Variants in ASPH observed in about 807,000 individuals in gnomAD.
ASPH encodes the protein aspartyl/asparaginyl beta-hydroxylase.
In ASPH, 100 loss-of-function variants were observed where a neutral mutation model predicts 118.4. The ratio of observed to expected loss-of-function variants is 0.84; its 90% confidence interval spans 0.72 to 1.00. ASPH has a LOEUF of 1.00. Ranked by LOEUF, ASPH falls within the 50% of genes least tolerant of loss-of-function variation. ASPH has a pLI of 0.00. For missense variants in ASPH, 920 were observed against 919.5 expected, an observed-to-expected ratio of 1.00 and a Z score of -0.01; for synonymous variants, 315 against 325.6, an observed-to-expected ratio of 0.97 and a Z score of 0.35.
chr8:61,534,780 A>G (rs1818875026), intron 21 of ASPH, among the ~76,000 whole-genome samples: 1 of 152,268 alleles, frequency 6.6e-6, no homozygotes, highest in Non-Finnish European at 1.5e-5. Context: ...CAGTTAGTAC[A>G]CATTTCAGTA....
At chr8:61,684,012 T>G (rs763837195) in intron 2 of ASPH, 27 bp downstream of exon 2, 3 of 1,609,314 alleles carry the variant, frequency 1.9e-6, no homozygotes, top group African/African-American at 2.7e-5. Context: ...CTCTTACAAA[T>G]TCACATAAGG....
chr8:61,570,153 A>AT (rs1833033564), intron 16 of ASPH, among the ~76,000 whole-genome samples: 1 of 152,188 alleles, frequency 6.6e-6, no homozygotes, highest in Non-Finnish European at 1.5e-5. Flanking sequence ...GCCTATATTA[A>AT]ATGTGCTCAG....
rs184808489 is a variant in ASPH, at chr8:61,627,669, G to T, written c.934+6014C>A. Among the ~76,000 whole-genome samples, 22 of 152,238 alleles carry T rather than the reference G, an allele frequency of 1.4e-4. No individual in the cohort carries two copies. The East Asian group carries it at 4.0e-3, about 28-fold the overall frequency. ...GGAAGATACATTTCAGAAGTACCCT[G>T]GGAAAATGGAAAGTTGTTCAAAGTA... is the stretch of plus-strand genomic sequence containing the variant. On this transcript the variant is annotated intron_variant, in intron 13 of 24. Transcript: ENST00000379454.
At chr8:61,650,699 T>A (rs555775741) in intron 5 of ASPH, among the ~76,000 whole-genome samples, 2 of 152,256 alleles carry the variant, frequency 1.3e-5, no homozygotes, top group East Asian at 3.9e-4. Context: ...AAAATCGAGG[T>A]GGAGCACAAC....
intron 20 of ASPH, among the ~76,000 whole-genome samples, chr8:61,549,059 ATATT>A (rs1824941413): frequency 6.6e-6 from 1 of 152,168 alleles, no homozygotes; most frequent in Non-Finnish European, 1.5e-5. Flanking sequence ...GGTACACTTA[ATATT>A]ATCCCCTCCA....
chr8:61,712,895 T>C (rs899526241), intron 1 of ASPH, among the ~76,000 whole-genome samples: 74 of 152,342 alleles, frequency 4.9e-4, no homozygotes, highest in African/African-American at 1.7e-3. Context: ...ACAACTAACA[T>C]TAAAGTTGTT....
At chr8:61,523,581 T>C (rs1178127522) in intron 22 of ASPH, among the ~76,000 whole-genome samples, 1 of 152,072 alleles carries the variant, frequency 6.6e-6, no homozygotes, top group African/African-American at 2.4e-5. Flanking sequence ...CCTCCCAAAG[T>C]GTTGGGATTA....
chr8:61,599,375 C>T (rs1021581434), intron 14 of ASPH, among the ~76,000 whole-genome samples: 3 of 150,568 alleles, frequency 2.0e-5, no homozygotes, highest in East Asian at 1.9e-4. Context: ...GTGTAAATGA[C>T]GAGTTAATGG....
intron 20 of ASPH, among the ~76,000 whole-genome samples, chr8:61,548,833 T>C (rs1824836347): frequency 1.3e-5 from 2 of 152,208 alleles, no homozygotes; most frequent in African/African-American, 4.8e-5. Flanking sequence ...TATATATTTT[T>C]TTCTGCCATA....
intron 13 of ASPH, 110 bp downstream of exon 13, chr8:61,633,573 T>A (rs1205256889): frequency 2.2e-6 from 2 of 925,640 alleles, no homozygotes; most frequent in Admixed American, 2.9e-5. Context: ...GTACAGTTAA[T>A]CTCTCTCAAA....
intron 21 of ASPH, among the ~76,000 whole-genome samples, chr8:61,529,630 T>A (rs967140192): frequency 6.6e-6 from 1 of 152,194 alleles, no homozygotes; most frequent in African/African-American, 2.4e-5. Flanking sequence ...AAATTAAAGA[T>A]CAATCCTAAT....
intron 15 of ASPH, 118 bp downstream of exon 15, chr8:61,583,826 C>T (rs1838379842): frequency 8.7e-6 from 6 of 686,390 alleles, no homozygotes; most frequent in African/African-American, 1.9e-5. Context: ...GGGGAAAAAT[C>T]CACTCTATTC....
At chr8:61,514,533 C>T (rs1325169216) in intron 24 of ASPH, among the ~76,000 whole-genome samples, 1 of 151,952 alleles carries the variant, frequency 6.6e-6, no homozygotes, top group Non-Finnish European at 1.5e-5. Flanking sequence ...CACGGTGAAA[C>T]CCCGTCTCTA....
chr8:61,526,693 A>G (rs1815461318), intron 21 of ASPH, among the ~76,000 whole-genome samples: 4 of 152,216 alleles, frequency 2.6e-5, no homozygotes. Flanking sequence ...TATTTCCTTG[A>G]CTTCTCATTT....
chr8:61,581,474 T>C (rs1239561483), intron 15 of ASPH, among the ~76,000 whole-genome samples: 1 of 152,238 alleles, frequency 6.6e-6, no homozygotes, highest in East Asian at 1.9e-4. Context: ...ATAAGATACA[T>C]TCCTGCAGCT....
intron 14 of ASPH, among the ~76,000 whole-genome samples, chr8:61,617,250 AATGGTCAAGGAG>A (rs1159556743): frequency 6.6e-6 from 1 of 152,138 alleles, no homozygotes; most frequent in East Asian, 1.9e-4. Context: ...TCCGGTGATT[AATGGTCAAGGAG>A]ATGAGAAACA....
chr8:61,664,309 C>T (rs1818384645), intron 3 of ASPH: 1 of 970,314 alleles, frequency 1.0e-6, no homozygotes, highest in East Asian at 1.2e-4. Context: ...AAAATGTATG[C>T]CATTCAACCA....
At chr8:61,685,344 G>A (rs1043188302) in intron 1 of ASPH, among the ~76,000 whole-genome samples, 1 of 152,108 alleles carries the variant, frequency 6.6e-6, no homozygotes, top group Non-Finnish European at 1.5e-5. Flanking sequence ...AGAACCAACA[G>A]GAAGAAGGAC....
intron 10 of ASPH, among the ~76,000 whole-genome samples, chr8:61,642,225 T>C (rs1340505200): frequency 6.6e-6 from 1 of 152,204 alleles, no homozygotes; most frequent in Non-Finnish European, 1.5e-5. Context: ...TCAGTCATCT[T>C]TGAGAGTGGG....
Sources: allele counts gnomAD v4.1 joint callset (sites outside exome capture counted in the v4.1 genomes callset), GRCh38; gene constraint gnomAD v4.1.1; transcripts MANE v1.5; gene names NCBI Gene and HGNC (gene_info 2026-07-23, HGNC 2026-07-21).